Variants in NEB observed in about 807,000 individuals in gnomAD.
NEB encodes nemaline myopathy type 2.
A neutral mutation model predicts 952.2 loss-of-function variants in NEB; 512 were observed. The ratio of observed to expected loss-of-function variants is 0.54; its 90% CI spans 0.50 to 0.58. The LOEUF (loss-of-function observed/expected upper bound fraction) is 0.58. Ranked by LOEUF, NEB falls within the 20% of genes least tolerant of loss-of-function variation. NEB has a pLI of 0.00. For synonymous variants in NEB, 2,900 were observed against 3,149.8 expected, an observed-to-expected ratio of 0.92 and a Z score of 2.66; for missense variants, 8,428 against 9,231.1, an observed-to-expected ratio of 0.91 and a Z score of 3.56.
chr2:151,564,241 A>C lies in NEB; in HGVS notation c.18472-311T>G, dbSNP rs559445859. 1.4e-4 allele frequency among the ~76,000 whole-genome samples: 21 copies of C among 151,944 alleles called. No homozygotes were observed. The South Asian group carries it at 4.2e-3, about 30-fold the overall frequency. The stretch of plus-strand genomic sequence containing the variant: ...GTGATCTAAGCTCACTGCAAACTCT[A>C]CCTCCTGGGTTCAAGAGATTCTCCT... On this transcript the variant is annotated intron_variant, in intron 117 of 181. Transcript: ENST00000397345.
intron 167 of NEB, 30 bp downstream of exon 167, chr2:151,502,763 T>A (rs771887193): frequency 4.4e-6 from 1 of 225,968 alleles, no homozygotes; most frequent in Non-Finnish European, 7.6e-6. Flanking sequence ...AATTAAGGGA[T>A]TTTTTTTTTT....
In NEB at chr2:151,727,926, T is replaced by G. The variant is rs769214396; in HGVS notation, c.79-20A>C. 20 of 1,588,132 alleles carry G rather than the reference T, an allele frequency of 1.3e-5. No homozygotes were observed. The highest frequency in any genetic ancestry group is 1.3e-5 in the African/African-American group (1 of 74,416). ...TATTGTCTGAAAATTTGATATGCAG[T>G]TCAACATTGTTGTGAAAGTAAAAAC... is the stretch of plus-strand genomic sequence containing the variant. On this transcript the variant is annotated intron_variant, in intron 4 of 181. Transcript: ENST00000397345.
At chr2:151,529,159 A>G in intron 146 of NEB, 51 bp downstream of exon 146, 1 of 1,256,624 alleles carries the variant, frequency 8.0e-7, no homozygotes, top group Admixed American at 1.7e-5. Flanking sequence ...CATGTGTCCT[A>G]CAGAAGCTGG....
At chr2:151,726,318 T>G (rs1350153209) in intron 5 of NEB, among the ~76,000 whole-genome samples, 1 of 152,198 alleles carries the variant, frequency 6.6e-6, no homozygotes, top group Non-Finnish European at 1.5e-5. Flanking sequence ...ACTGCAGCAC[T>G]AAAGAAGTTA....
At chr2:151,560,866 G>A in intron 123 of NEB, 138 bp downstream of exon 123, 1 of 753,894 alleles carries the variant, frequency 1.3e-6, no homozygotes, top group South Asian at 2.0e-5. Flanking sequence ...AATTTTATGA[G>A]GTAAAGTAAG....
chr2:151,662,377 C>T, intron 45 of NEB, 36 bp from the exon 46 acceptor site: 1 of 1,491,192 alleles, frequency 6.7e-7, no homozygotes, highest in Non-Finnish European at 9.0e-7. Context: ...TGAGAAGAAA[C>T]TGGAACTTCC....
At chr2:151,572,613 T>A (rs182526686) in intron 107 of NEB, among the ~76,000 whole-genome samples, 35 of 148,180 alleles carry the variant, frequency 2.4e-4, no homozygotes, top group African/African-American at 6.9e-4. Flanking sequence ...TGGCACGATC[T>A]CAGCTCACTG....
intron 40 of NEB, among the ~76,000 whole-genome samples, chr2:151,666,615 T>C (rs1490525763): frequency 6.6e-6 from 1 of 152,192 alleles, no homozygotes; most frequent in African/African-American, 2.4e-5. Context: ...AATAATGGAA[T>C]AGTTTATATT....
chr2:151,709,952 A>T (rs1236849971), intron 11 of NEB, among the ~76,000 whole-genome samples, 189 bp from the exon 12 acceptor site: 1 of 152,234 alleles, frequency 6.6e-6, no homozygotes, highest in Non-Finnish European at 1.5e-5. Context: ...GATTTAGAAC[A>T]ATTAAAATAG....
chr2:151,528,363 T>C lies in NEB; in HGVS notation c.21736-778A>G, dbSNP rs563198994. On this transcript the variant is annotated intron_variant, in intron 146 of 181. Transcript: ENST00000397345. ...AATACAATGCACATGCTTTTATGTA[T>C]ACTATTTAATAAGGTTTTTTTCCCC... Among the ~76,000 whole-genome samples the C allele has an allele frequency of 3.3e-5, 5 of 152,386 alleles. No homozygotes were observed. In the East Asian group the frequency reaches 9.6e-4, roughly 29 times the overall value.
At chr2:151,705,798 A>G (rs572437765) in intron 13 of NEB, among the ~76,000 whole-genome samples, 1 of 152,356 alleles carries the variant, frequency 6.6e-6, no homozygotes, top group East Asian at 1.9e-4. Context: ...GGAGGCCATT[A>G]TTCTAAATGA....
intron 43 of NEB, 25 bp downstream of exon 43, chr2:151,664,734 C>T: frequency 1.9e-6 from 3 of 1,578,186 alleles, no homozygotes; most frequent in Non-Finnish European, 2.6e-6. Context: ...TTCTCCCCAG[C>T]TTTTGCTGTT....
In NEB at chr2:151,562,743, A is replaced by G. The variant is rs1419107095; in HGVS notation, c.18759T>C (p.Asn6253=). 1 of 1,601,560 alleles carries G rather than the reference A, an allele frequency of 6.2e-7. No homozygotes were observed. Among genetic ancestry groups the G allele is most frequent in the Non-Finnish European group, 8.5e-7 (1 of 1,173,568 alleles). Reference sequence around the variant, plus strand: ...ACTGGCACCTTTTAGCCAGCACGTGATTCATCATGTCATTGGGGATATGAA... The same window carrying G: ...ACTGGCACCTTTTAGCCAGCACGTGGTTCATCATGTCATTGGGGATATGAA... The part of the protein sequence containing the change: ...ANVHIPNDMM[N]HVLAKRCQYI... The change falls in exon 120 of 182, where the codon AAT becomes AAC. Residue 6253 remains asparagine, a synonymous_variant. Coordinates refer to ENST00000397345, the MANE Select transcript of NEB (RefSeq NM_001164508.2).
chr2:151,640,315 T>C (rs1231422443), intron 61 of NEB, 40 bp downstream of exon 61: 1 of 1,596,760 alleles, frequency 6.3e-7, no homozygotes, highest in Admixed American at 1.7e-5. Flanking sequence ...TGTTAAATAA[T>C]TTCCCACCTC....
At chr2:151,510,219 C>G (rs1044429853) in intron 161 of NEB, among the ~76,000 whole-genome samples, 1 of 152,120 alleles carries the variant, frequency 6.6e-6, no homozygotes, top group African/African-American at 2.4e-5. Context: ...CCCCAATAAA[C>G]TTGTTTGTGG....
At chr2:151,527,393 T>C in intron 147 of NEB, 88 bp downstream of exon 147, 1 of 1,087,484 alleles carries the variant, frequency 9.2e-7, no homozygotes, top group Non-Finnish European at 1.3e-6. Flanking sequence ...GGGTTAACAC[T>C]CATGATAGTG....
chr2:151,627,480 A>C (rs1199825292), intron 69 of NEB, 43 bp downstream of exon 69: 1 of 1,596,732 alleles, frequency 6.3e-7, no homozygotes, highest in Admixed American at 1.7e-5. Flanking sequence ...ATTTCTATGA[A>C]TTACTATTAT....
chr2:151,627,242 GTTGTT>G, intron 69 of NEB, 37 bp from the exon 70 acceptor site: 1 of 1,587,094 alleles, frequency 6.3e-7, no homozygotes, highest in Non-Finnish European at 8.6e-7. Context: ...TATTACTGAA[GTTGTT>G]TTAACATGAT....
intron 85 of NEB, among the ~76,000 whole-genome samples, chr2:151,604,184 T>G (rs1366143237): frequency 8.4e-6 from 1 of 119,622 alleles, no homozygotes; most frequent in Admixed American, 7.4e-5. Flanking sequence ...TGTATCGATA[T>G]CCACCCTGCC....
Sources: gnomAD v4.1 joint callset for allele counts (sites outside exome capture counted in the v4.1 genomes callset) on GRCh38, gnomAD v4.1.1 for gene constraint, MANE v1.5 for transcripts, NCBI Gene and HGNC (gene_info 2026-07-23, HGNC 2026-07-21) for gene names.